DRC2: variants seen among roughly 807,000 people sequenced by gnomAD.
DRC2 encodes coiled-coil domain containing 65.
the DRC2 span, among the ~76,000 whole-genome samples, chr12:48,914,091 G>T: frequency 6.6e-6 from 1 of 151,750 alleles, no homozygotes; most frequent in Non-Finnish European, 1.5e-5. Context: ...ATTTTTATGG[G>T]TTTTTTTGTT....
the DRC2 span, among the ~76,000 whole-genome samples, chr12:48,913,146 A>AG: frequency 6.6e-6 from 1 of 150,498 alleles, no homozygotes; most frequent in East Asian, 2.0e-4. Flanking sequence ...AAAAAAAAAA[A>AG]AAAAAAAAGA....
chr12:48,908,710 C>T, the DRC2 span, among the ~76,000 whole-genome samples: 20 of 151,814 alleles, frequency 1.3e-4, no homozygotes, highest in South Asian at 4.2e-3. Context: ...AAGTGATTCT[C>T]CTGCCTCAGC....
the DRC2 span, among the ~76,000 whole-genome samples, chr12:48,910,664 T>C: frequency 0.09 from 13,660 of 152,270 alleles, 742 homozygotes; most frequent in South Asian, 0.2. Flanking sequence ...CTTCCAATAA[T>C]TCTAGTTTCA....
the DRC2 span, chr12:48,904,945 G>A: frequency 6.3e-7 from 1 of 1,595,552 alleles, no homozygotes; most frequent in Non-Finnish European, 8.6e-7. Context: ...CCTTCACACA[G>A]GACAAGCTGG....
At chr12:48,908,637 G>A in the DRC2 span, among the ~76,000 whole-genome samples, 3 of 150,018 alleles carry the variant, frequency 2.0e-5, no homozygotes, top group Non-Finnish European at 4.4e-5. Context: ...TTTAGACAGA[G>A]TCACCCAGGC....
chr12:48,916,894 CATACTGCTTTGAATTGT>C, the DRC2 span: 1 of 1,421,090 alleles, frequency 7.0e-7, no homozygotes, highest in East Asian at 2.3e-5. Context: ...ACATAGATTA[CATACTGCTTTGAATTGT>C]CATTATTGGT....
the DRC2 span, among the ~76,000 whole-genome samples, chr12:48,919,066 T>C: frequency 6.6e-6 from 1 of 152,172 alleles, no homozygotes; most frequent in Non-Finnish European, 1.5e-5. Flanking sequence ...TTACATTAAA[T>C]TAAATTAATT....
At chr12:48,920,445 A>ATT in the DRC2 span, among the ~76,000 whole-genome samples, 20 of 133,034 alleles carry the variant, frequency 1.5e-4, no homozygotes, top group Admixed American at 8.2e-4. Context: ...CCATCTTAAA[A>ATT]AAAAAAAAAA....
chr12:48,920,047 C>T, the DRC2 span, among the ~76,000 whole-genome samples: 19 of 133,780 alleles, frequency 1.4e-4, no homozygotes, highest in East Asian at 7.1e-4. Flanking sequence ...TGGGACATCG[C>T]GGCTGCAGTG....
chr12:48,920,214 G>A, the DRC2 span, among the ~76,000 whole-genome samples: 1 of 150,622 alleles, frequency 6.6e-6, no homozygotes, highest in Admixed American at 6.6e-5. Context: ...GGCCGAGGCA[G>A]GTGGATTACT....
At chr12:48,911,887 G>A in the DRC2 span, among the ~76,000 whole-genome samples, 1 of 151,674 alleles carries the variant, frequency 6.6e-6, no homozygotes, top group Admixed American at 6.6e-5. Context: ...ATAAATGCTT[G>A]ATTCTTTCTC....
chr12:48,921,231 C>T, the DRC2 span: 7 of 1,614,138 alleles, frequency 4.3e-6, no homozygotes, highest in Non-Finnish European at 5.9e-6. Context: ...GAAACTGGAG[C>T]AACTGAGCCT....
chr12:48,908,138 C>T, the DRC2 span, among the ~76,000 whole-genome samples: 4 of 152,088 alleles, frequency 2.6e-5, no homozygotes, highest in East Asian at 1.9e-4. Flanking sequence ...GACAAGGTCT[C>T]GCTGTGTTGC....
chr12:48,920,919 G>A, the DRC2 span: 4,470 of 1,603,346 alleles, frequency 2.8e-3, 14 homozygotes, highest in Non-Finnish European at 3.4e-3. Flanking sequence ...CTCTCTTCCC[G>A]CTTCAAATAG....
chr12:48,908,599 TTATTATTA>T, the DRC2 span, among the ~76,000 whole-genome samples: 1 of 107,842 alleles, frequency 9.3e-6, no homozygotes, highest in Non-Finnish European at 1.9e-5. Flanking sequence ...ATTATTATTA[TTATTATTA>T]TTTATTTATT....
the DRC2 span, among the ~76,000 whole-genome samples, chr12:48,909,037 CTTTTTTTTT>C: frequency 2.4e-5 from 2 of 82,370 alleles, no homozygotes; most frequent in Non-Finnish European, 4.5e-5. Context: ...TTTTCTTTCT[CTTTTTTTTT>C]TTTTTTTTTT....
chr12:48,917,950 A>C, the DRC2 span, among the ~76,000 whole-genome samples: 5 of 152,236 alleles, frequency 3.3e-5, no homozygotes, highest in African/African-American at 1.2e-4. Flanking sequence ...GATTTCACAA[A>C]AACATCCAAA....
chr12:48,911,463 T>G, the DRC2 span, among the ~76,000 whole-genome samples: 1 of 151,708 alleles, frequency 6.6e-6, no homozygotes, highest in Admixed American at 6.6e-5. Flanking sequence ...GGGGCTGAGG[T>G]GGGGGATCAA....
chr12:48,905,695 T>C, the DRC2 span, among the ~76,000 whole-genome samples: 1 of 152,164 alleles, frequency 6.6e-6, no homozygotes, highest in African/African-American at 2.4e-5. Context: ...TTCTAAGGGA[T>C]TTTCTGTACC....
Sources: allele counts gnomAD v4.1 joint callset (sites outside exome capture counted in the v4.1 genomes callset), GRCh38; gene constraint gnomAD v4.1.1; transcripts MANE v1.5; gene names NCBI Gene and HGNC (gene_info 2026-07-23, HGNC 2026-07-21).